Variants in SVIL observed in about 807,000 individuals in gnomAD.
The protein encoded by SVIL is archvillin.
A neutral mutation model predicts 240.4 loss-of-function variants in SVIL; 101 were observed. The ratio of observed to expected loss-of-function variants is 0.42; its 90% confidence interval spans 0.36 to 0.50. SVIL has a LOEUF of 0.50. Ranked by LOEUF, SVIL falls within the 20% of genes least tolerant of loss-of-function variation. The pLI, the probability that SVIL is intolerant of heterozygous loss-of-function variation, is 0.01. For synonymous variants in SVIL, 999 were observed against 1,100.0 expected (o/e 0.91, Z 1.82); for missense variants, 2,512 against 2,818.7 (o/e 0.89, Z 2.46).
At position 29,484,828 on chromosome 10, in the gene SVIL, G is replaced by A. The variant is rs150019564; in HGVS notation, c.4783C>T (p.Leu1595=). Residue 1595 remains leucine (L), a synonymous_variant, in exon 27 of 38, where the codon CTG becomes TTG. Coordinates refer to ENST00000355867, the MANE Select transcript of SVIL (RefSeq NM_021738.3). This position sits in a 1 kb window ranked among gnomAD's most constrained non-coding sequence, Gnocchi z 4.7. Reference sequence around the variant, plus strand: ...ACTTCACTACCAAAATCAAACACCAGTACCTGGGAGAAATGGCACAAAAGA... The same window carrying A: ...ACTTCACTACCAAAATCAAACACCAATACCTGGGAGAAATGGCACAAAAGA... The part of the protein sequence containing the change: ...KCSLLQPKEV[L]VFDFGSEVYV... 1.9e-6 allele frequency: 3 copies of A among 1,601,248 alleles called. No individual in the cohort carries two copies. The highest frequency in any genetic ancestry group is 1.7e-5 in the Admixed American group (1 of 57,512).
chr10:29,731,520 T>A (rs1341273492), intron 1 of SVIL, among the ~76,000 whole-genome samples: 1 of 152,196 alleles, frequency 6.6e-6, no homozygotes, highest in Non-Finnish European at 1.5e-5. Flanking sequence ...TAAATCTGAT[T>A]CATATGTCAA....
chr10:29,647,616 C>T (rs1304325052), intron 3 of SVIL, among the ~76,000 whole-genome samples: 1 of 140,494 alleles, frequency 7.1e-6, no homozygotes, highest in East Asian at 2.2e-4. Context: ...ATTTTTAATG[C>T]AAATATAGGT....
intron 3 of SVIL, among the ~76,000 whole-genome samples, chr10:29,646,686 C>A (rs1958667899): frequency 6.6e-6 from 1 of 152,170 alleles, no homozygotes; most frequent in Admixed American, 6.5e-5. Context: ...AAGTATGAAT[C>A]ATCATGACAC....
At chr10:29,508,703 C>G (rs1304905470) in intron 17 of SVIL, among the ~76,000 whole-genome samples, 1 of 152,156 alleles carries the variant, frequency 6.6e-6, no homozygotes, top group African/African-American at 2.4e-5. Flanking sequence ...CCAGATTCAC[C>G]TTTCTTGAAA....
intron 17 of SVIL, among the ~76,000 whole-genome samples, chr10:29,504,181 CAAA>C (rs1949101497): frequency 1.3e-5 from 2 of 152,112 alleles, no homozygotes; most frequent in South Asian, 4.2e-4. Context: ...CACCATTCCC[CAAA>C]ATTAACTAAA....
intron 1 of SVIL, among the ~76,000 whole-genome samples, chr10:29,699,124 G>C (rs1777310): frequency 0.57 from 86,116 of 151,996 alleles, 24,650 homozygotes; most frequent in East Asian, 0.83. Flanking sequence ...TTTGGTTGCT[G>C]TATGTTATTT....
At chr10:29,466,685 G>C (rs1026550931) in intron 33 of SVIL, among the ~76,000 whole-genome samples, 2 of 152,090 alleles carry the variant, frequency 1.3e-5, no homozygotes, top group African/African-American at 4.8e-5. Flanking sequence ...ACAGCCATTA[G>C]AAATCTAAAT....
At chr10:29,463,027 G>A (rs1256893336) in intron 35 of SVIL, among the ~76,000 whole-genome samples, 2 of 152,126 alleles carry the variant, frequency 1.3e-5, no homozygotes, top group Non-Finnish European at 2.9e-5. Flanking sequence ...TTTCTCTTTG[G>A]ATATAATACT....
At chr10:29,729,450 G>GGTGTGTGT (rs55940009) in intron 1 of SVIL, among the ~76,000 whole-genome samples, 113 of 136,772 alleles carry the variant, frequency 8.3e-4, no homozygotes, top group South Asian at 2.7e-3. Flanking sequence ...TGTTTATGGA[G>GGTGTGTGT]GTGTGTGTGT....
chr10:29,505,459 A>T (rs573802533), intron 17 of SVIL, among the ~76,000 whole-genome samples: 1 of 152,184 alleles, frequency 6.6e-6, no homozygotes. Context: ...TTCCAATTCA[A>T]TGACATTCTG....
At position 29,527,011 on chromosome 10, in the gene SVIL, C is replaced by T; in HGVS notation, c.2292G>A (p.Met764Ile). ...CTACAGTGGGGCTAGGAAGTCTCGC[C>T]ATTACAGGGTGGGTGCCCCCAGAAC... ...ASCSGGTHPVMARLPSPTVAR... is the reference protein window; with the variant it reads ...ASCSGGTHPVIARLPSPTVAR... Residue 764 changes from methionine (M) to isoleucine (I), a missense_variant, in exon 13 of 38, where the codon ATG becomes ATA. Coordinates refer to ENST00000355867, the MANE Select transcript of SVIL (RefSeq NM_021738.3). 1.2e-6 allele frequency: 2 copies of T among 1,613,320 alleles called. No individual in the cohort carries two copies. Among genetic ancestry groups the T allele is most frequent in the Non-Finnish European group, 8.5e-7 (1 of 1,179,698 alleles).
chr10:29,733,821 T>G lies in SVIL; in HGVS notation c.-400+1930A>C, dbSNP rs534414394. ...TTGCAAACATCTTTCTTGAAGGCAA[T>G]ACATTTTAAGTACATTCAGGACAAT... On this transcript the variant is annotated intron_variant, in intron 1 of 35. Coordinates refer to the SVIL transcript ENST00000375400. Among the ~76,000 whole-genome samples, 3 of 152,340 alleles carry G rather than the reference T, an allele frequency of 2.0e-5. No homozygotes were observed. The South Asian group carries it at 6.2e-4, about 32-fold the overall frequency.
At chr10:29,515,124 A>G (rs1402392143) in intron 16 of SVIL, among the ~76,000 whole-genome samples, 1 of 152,196 alleles carries the variant, frequency 6.6e-6, no homozygotes, top group African/African-American at 2.4e-5. Context: ...GGCAGCAGAT[A>G]AGATCTCAAG....
intron 24 of SVIL, 125 bp downstream of exon 24, chr10:29,487,038 T>G: frequency 8.4e-7 from 1 of 1,187,334 alleles, no homozygotes; most frequent in Non-Finnish European, 1.2e-6. Flanking sequence ...AAATCCTACC[T>G]ATCCCTTCTC....
intron 29 of SVIL, among the ~76,000 whole-genome samples, chr10:29,479,547 G>A (rs1320133303): frequency 1.3e-5 from 2 of 152,218 alleles, no homozygotes; most frequent in East Asian, 1.9e-4. Context: ...CCTGCTGGCT[G>A]TTCCTGCACC....
chr10:29,699,181 A>G (rs1777309), intron 1 of SVIL, among the ~76,000 whole-genome samples: 75,727 of 151,916 alleles, frequency 0.5, 19,263 homozygotes, highest in East Asian at 0.77. Context: ...CCAGGCTAGA[A>G]TGCAGTGTGT....
intron 1 of SVIL, among the ~76,000 whole-genome samples, chr10:29,578,848 T>C (rs1435848307): frequency 6.6e-6 from 1 of 152,182 alleles, no homozygotes; most frequent in African/African-American, 2.4e-5. Context: ...CAACCACATT[T>C]CTTGAATAGT....
Position 29,471,249 on chromosome 10 carries a change from G to C in SVIL, c.5530-6C>G, listed in dbSNP as rs775102581. 1 of 1,604,876 alleles carries C rather than the reference G, an allele frequency of 6.2e-7. No individual in the cohort carries two copies. Among genetic ancestry groups the C allele is most frequent in the Non-Finnish European group, 8.5e-7 (1 of 1,173,252 alleles). Reference sequence around the variant, plus strand: ...TTTCCCTGGAGAACCTGGACCTTCCGATTTAAACAGAGGTAAATAGGTAAG... The same window carrying C: ...TTTCCCTGGAGAACCTGGACCTTCCCATTTAAACAGAGGTAAATAGGTAAG... On this transcript the variant is annotated splice_region_variant and splice_polypyrimidine_tract_variant and intron_variant, in intron 30 of 37. Transcript: ENST00000355867.
intron 1 of SVIL, among the ~76,000 whole-genome samples, chr10:29,590,256 T>C (rs1374315029): frequency 2.0e-5 from 3 of 150,708 alleles, no homozygotes; most frequent in East Asian, 3.9e-4. Context: ...AATAAAGATA[T>C]TACCAGACCT....
Sources: gnomAD v4.1 joint callset for allele counts (sites outside exome capture counted in the v4.1 genomes callset) on GRCh38, gnomAD v4.1.1 for gene constraint, Gnocchi (gnomAD v3.1) non-coding constraint, MANE v1.5 for transcripts, NCBI Gene and HGNC (gene_info 2026-07-23, HGNC 2026-07-21) for gene names.